SMYD3: variants seen among roughly 807,000 people sequenced by gnomAD.
SMYD3 encodes the protein SET and MYND domain containing 3, also known as histone-lysine N-methyltransferase SMYD3.
SMYD3 carries 36 observed loss-of-function variants against 57.7 expected under a neutral mutation model. The observed-to-expected ratio is 0.62, with a 90% CI of 0.48 to 0.82. The LOEUF (loss-of-function observed/expected upper bound fraction) is 0.82, where lower values mean the gene tolerates loss of function less well. SMYD3 is among the 40% of genes least tolerant of loss of function. The pLI, the probability that SMYD3 is intolerant of heterozygous loss-of-function variation, is 0.00. For missense variants in SMYD3, 515 were observed against 538.8 expected, an observed-to-expected ratio of 0.96 and a Z score of 0.44; for synonymous variants, 211 against 195.0, an observed-to-expected ratio of 1.08 and a Z score of -0.68.
chr1:246,135,864 G>A (rs1428517840), intron 5 of SMYD3, among the ~76,000 whole-genome samples: 1 of 152,120 alleles, frequency 6.6e-6, no homozygotes, highest in Non-Finnish European at 1.5e-5. Context: ...TACCTTTCAA[G>A]CATTCAAGTA....
At chr1:246,220,511 G>GCCC (rs1558325472) in intron 5 of SMYD3, among the ~76,000 whole-genome samples, 1 of 151,970 alleles carries the variant, frequency 6.6e-6, no homozygotes, top group Admixed American at 6.5e-5. Context: ...GAAGGCCCCT[G>GCCC]ACTGCACTCA....
chr1:245,881,302 T>C (rs2052765324), intron 8 of SMYD3, among the ~76,000 whole-genome samples: 1 of 152,174 alleles, frequency 6.6e-6, no homozygotes, highest in Non-Finnish European at 1.5e-5. Flanking sequence ...TGGAAATATA[T>C]ATCCTGTCTT....
At chr1:246,266,138 A>G (rs994279445) in intron 5 of SMYD3, among the ~76,000 whole-genome samples, 1 of 152,154 alleles carries the variant, frequency 6.6e-6, no homozygotes, top group Non-Finnish European at 1.5e-5. Flanking sequence ...CCACTCTTCC[A>G]TTTGAGTCCA....
At chr1:246,337,964 T>A (rs936124202) in intron 2 of SMYD3, among the ~76,000 whole-genome samples, 1 of 38,744 alleles carries the variant, frequency 2.6e-5, no homozygotes, top group Non-Finnish European at 5.8e-5. Flanking sequence ...ATAATTGATA[T>A]AGAGCTCCTT....
chr1:246,276,692 G>GC (rs2064340618), intron 5 of SMYD3, among the ~76,000 whole-genome samples: 1 of 149,162 alleles, frequency 6.7e-6, no homozygotes, highest in Non-Finnish European at 1.5e-5. Flanking sequence ...TTTTTCACTA[G>GC]CCGTATTAAC....
At chr1:246,346,944 C>G (rs1302374154) in intron 2 of SMYD3, among the ~76,000 whole-genome samples, 1 of 152,038 alleles carries the variant, frequency 6.6e-6, no homozygotes, top group Non-Finnish European at 1.5e-5. Flanking sequence ...AGACAGCATG[C>G]AAGAACAGAC....
intron 5 of SMYD3, among the ~76,000 whole-genome samples, chr1:246,059,111 T>C (rs1316460529): frequency 3.3e-5 from 5 of 152,060 alleles, no homozygotes; most frequent in African/African-American, 1.2e-4. Context: ...CTCCTGACCT[T>C]GTGATCCGCC....
At chr1:245,818,288 CA>C (rs2048967215) in intron 10 of SMYD3, among the ~76,000 whole-genome samples, 1 of 152,122 alleles carries the variant, frequency 6.6e-6, no homozygotes, top group African/African-American at 2.4e-5. Context: ...CATATCCAGC[CA>C]AACTAAGCTT....
At chr1:246,405,140 T>C (rs549583493) in intron 1 of SMYD3, among the ~76,000 whole-genome samples, 1 of 151,958 alleles carries the variant, frequency 6.6e-6, no homozygotes, top group Non-Finnish European at 1.5e-5. Flanking sequence ...TTTGCAGAGA[T>C]GGGGTTTCAA....
chr1:245,765,162 G>T (rs189094674), intron 10 of SMYD3, among the ~76,000 whole-genome samples: 1 of 151,442 alleles, frequency 6.6e-6, no homozygotes, highest in Non-Finnish European at 1.5e-5. Flanking sequence ...GAGGCAGGCG[G>T]ATTGCTTGAG....
At chr1:246,055,711 G>T (rs1471708669) in intron 5 of SMYD3, among the ~76,000 whole-genome samples, 2 of 152,132 alleles carry the variant, frequency 1.3e-5, no homozygotes, top group East Asian at 3.9e-4. Context: ...TATCATATTG[G>T]TGAACTTTGA....
intron 7 of SMYD3, among the ~76,000 whole-genome samples, chr1:245,916,344 G>A (rs1365334934): frequency 2.6e-5 from 4 of 152,096 alleles, no homozygotes; most frequent in Non-Finnish European, 4.4e-5. Flanking sequence ...CTCTAACACT[G>A]AGTCCCATTA....
intron 10 of SMYD3, among the ~76,000 whole-genome samples, chr1:245,811,752 A>G (rs1197817325): frequency 6.6e-6 from 1 of 152,246 alleles, no homozygotes; most frequent in East Asian, 1.9e-4. Flanking sequence ...GAAAGTTAAA[A>G]ATCAGGTGAT....
intron 5 of SMYD3, among the ~76,000 whole-genome samples, chr1:246,104,573 G>A (rs2061082352): frequency 6.6e-6 from 1 of 152,136 alleles, no homozygotes; most frequent in African/African-American, 2.4e-5. Context: ...GTGACACATG[G>A]GGCAAGAGCT....
chr1:245,815,541 C>A (rs537433362), intron 10 of SMYD3, among the ~76,000 whole-genome samples: 16 of 152,366 alleles, frequency 1.1e-4, no homozygotes, highest in African/African-American at 3.8e-4. Context: ...GACTCTGATG[C>A]ATATTAAGAC....
chr1:245,903,624 C>T (rs971718257), intron 8 of SMYD3, among the ~76,000 whole-genome samples: 7 of 152,226 alleles, frequency 4.6e-5, no homozygotes, highest in Non-Finnish European at 1.0e-4. Context: ...CCACCTCTCC[C>T]TGACCCCCAG....
rs1297164586 is a variant in SMYD3 at position 246,157,255 on chromosome 1, C to T, written c.531+169946G>A. On this transcript the variant is annotated intron_variant, in intron 5 of 11. Coordinates refer to ENST00000490107, the MANE Select transcript of SMYD3 (RefSeq NM_001167740.2). Reference sequence around the variant, plus strand: ...GCCAGCAAGTGTCCTTCAGGGAGGTCTGGCTACTCACAGTTTATAGATGAG... The same window carrying T: ...GCCAGCAAGTGTCCTTCAGGGAGGTTTGGCTACTCACAGTTTATAGATGAG... Among the ~76,000 whole-genome samples the T allele has an allele frequency of 3.3e-5, 5 of 152,244 alleles. No homozygotes were observed. The East Asian group carries it at 9.7e-4, about 29-fold the overall frequency.
intron 5 of SMYD3, among the ~76,000 whole-genome samples, chr1:246,120,810 T>C (rs1370014408): frequency 1.3e-5 from 2 of 152,202 alleles, no homozygotes; most frequent in Admixed American, 1.3e-4. Flanking sequence ...GTTAGTTATG[T>C]ACACATCTGT....
At chr1:246,286,763 T>C (rs1310887298) in intron 5 of SMYD3, among the ~76,000 whole-genome samples, 5 of 152,168 alleles carry the variant, frequency 3.3e-5, no homozygotes, top group Non-Finnish European at 7.4e-5. Flanking sequence ...AATCAGACTT[T>C]TGAATTCTAA....
Sources: allele counts gnomAD v4.1 joint callset (sites outside exome capture counted in the v4.1 genomes callset), GRCh38; gene constraint gnomAD v4.1.1; transcripts MANE v1.5; gene names NCBI Gene and HGNC (gene_info 2026-07-23, HGNC 2026-07-21).